The following PRKAG2 variants were observed in gnomAD, a reference collection of about 807,000 sequenced individuals.
PRKAG2 encodes protein kinase AMP-activated non-catalytic subunit gamma 2.
PRKAG2 carries 26 observed loss-of-function variants against 69.6 expected under a neutral mutation model. The observed-to-expected ratio is 0.37, with a 90% CI of 0.27 to 0.52. The LOEUF is 0.52. Ranked by LOEUF, PRKAG2 falls within the 20% of genes least tolerant of loss-of-function variation. The probability of loss-of-function intolerance (pLI) is 0.90; values close to 1 mark genes in which losing one functional copy is unlikely to be tolerated. For synonymous variants in PRKAG2, 293 were observed against 285.0 expected (o/e 1.03, Z -0.28); for missense variants, 557 against 740.0 (o/e 0.75, Z 2.87).
chr7:151,735,452 C>A lies in PRKAG2; in HGVS notation c.466+45700G>T, dbSNP rs145618331. 5.5e-3 allele frequency among the ~76,000 whole-genome samples: 836 copies of A among 152,238 alleles called. 14 individuals are homozygous for A. Among genetic ancestry groups the A allele is most frequent in the Non-Finnish European group, 7.6e-3 (517 of 68,028 alleles). Reference sequence around the variant, plus strand: ...ACAAATTAGGCAGGTGTTTCCCCTCCCACATTAGCCCACGATCTGTCAGAT... The same window carrying A: ...ACAAATTAGGCAGGTGTTTCCCCTCACACATTAGCCCACGATCTGTCAGAT... On this transcript the variant is annotated intron_variant, in intron 3 of 15. Coordinates refer to ENST00000287878, the MANE Select transcript of PRKAG2 (RefSeq NM_016203.4).
At chr7:151,636,411 T>C (rs911929718) in intron 4 of PRKAG2, among the ~76,000 whole-genome samples, 1 of 152,184 alleles carries the variant, frequency 6.6e-6, no homozygotes, top group African/African-American at 2.4e-5. Context: ...GATCATACAA[T>C]AGGTGGTCTT....
intron 5 of PRKAG2, among the ~76,000 whole-genome samples, chr7:151,621,410 C>A (rs1821445607): frequency 6.6e-6 from 1 of 152,068 alleles, no homozygotes; most frequent in Non-Finnish European, 1.5e-5. Flanking sequence ...GGGCTGGGTG[C>A]AATAGCTCAC....
At chr7:151,782,669 T>G (rs551532758) in intron 2 of PRKAG2, among the ~76,000 whole-genome samples, 166 of 152,196 alleles carry the variant, frequency 1.1e-3, no homozygotes, top group Non-Finnish European at 2.1e-3. Flanking sequence ...CTCTGCCACC[T>G]GCTGAGCCAA....
At chr7:151,775,431 C>A (rs2076292887) in intron 3 of PRKAG2, among the ~76,000 whole-genome samples, 1 of 152,208 alleles carries the variant, frequency 6.6e-6, no homozygotes, top group African/African-American at 2.4e-5. Flanking sequence ...CAGTCTGGTT[C>A]CTTCCCTTCC....
intron 1 of PRKAG2, among the ~76,000 whole-genome samples, chr7:151,864,676 G>C (rs1320918235): frequency 6.6e-6 from 1 of 152,238 alleles, no homozygotes; most frequent in Non-Finnish European, 1.5e-5. Flanking sequence ...GGCGCTGGCA[G>C]CTCCCCAGGG....
Position 151,777,635 on chromosome 7 carries a change from A to G in PRKAG2, c.466+3517T>C, listed in dbSNP as rs1441244974. 1.3e-5 allele frequency among the ~76,000 whole-genome samples: 2 copies of G among 152,226 alleles called. No individual in the cohort carries two copies. Among genetic ancestry groups the G allele is most frequent in the South Asian group, 2.1e-4 (1 of 4,830 alleles). ...TGCAAACACCTTGGCAGAGATCACG[A>G]CAGCAGGAGAAGGTCCAGCCTGGCC... is the stretch of plus-strand genomic sequence containing the variant. On this transcript the variant is annotated intron_variant, in intron 3 of 15. Transcript: ENST00000287878. The surrounding 1 kb of genome is among the most constrained non-coding windows in gnomAD (Gnocchi z 4.3).
chr7:151,560,267 G>C (rs1804615270), intron 15 of PRKAG2: 2 of 1,369,892 alleles, frequency 1.5e-6, no homozygotes, highest in Admixed American at 4.9e-5. Flanking sequence ...CATGGCAATG[G>C]CTCCCAAGTC....
intron 4 of PRKAG2, among the ~76,000 whole-genome samples, chr7:151,657,225 A>G (rs898279675): frequency 6.6e-6 from 1 of 152,152 alleles, no homozygotes; most frequent in African/African-American, 2.4e-5. Context: ...AAATTGTGTG[A>G]CCATAGTGTA....
intron 5 of PRKAG2, 25 bp from the exon 6 acceptor site, chr7:151,595,479 C>T (rs759357028): frequency 1.3e-6 from 2 of 1,482,770 alleles, no homozygotes; most frequent in East Asian, 2.3e-5. Context: ...GGCAAAACAT[C>T]AGTAATAATA....
intron 4 of PRKAG2, among the ~76,000 whole-genome samples, chr7:151,652,405 G>C (rs1210170825): frequency 6.6e-6 from 1 of 152,160 alleles, no homozygotes; most frequent in Non-Finnish European, 1.5e-5. Context: ...AATGTAAAAG[G>C]AGTTCTTTTT....
intron 1 of PRKAG2, among the ~76,000 whole-genome samples, chr7:151,801,844 T>A (rs1312035032): frequency 1.3e-5 from 2 of 152,086 alleles, no homozygotes; most frequent in Non-Finnish European, 2.9e-5. Flanking sequence ...GCGTCTTTGT[T>A]TTTTCAAACA....
intron 1 of PRKAG2, among the ~76,000 whole-genome samples, chr7:151,801,674 G>A (rs1347964261): frequency 2.0e-5 from 3 of 152,148 alleles, no homozygotes; most frequent in Admixed American, 1.3e-4. Flanking sequence ...TTGGTGTTTT[G>A]TTGCCAACAA....
At chr7:151,571,896 T>C (rs2151021014) in intron 9 of PRKAG2, among the ~76,000 whole-genome samples, 1 of 152,308 alleles carries the variant, frequency 6.6e-6, no homozygotes, top group Non-Finnish European at 1.5e-5. Flanking sequence ...CTCTTCAATT[T>C]TGAATTCAAA....
intron 3 of PRKAG2, among the ~76,000 whole-genome samples, chr7:151,752,190 G>C (rs769463866): frequency 1.4e-4 from 21 of 152,144 alleles, no homozygotes; most frequent in Non-Finnish European, 2.6e-4. Flanking sequence ...AGAAAATGTA[G>C]TACATATGTG....
chr7:151,558,334 T>C (rs1403724116), intron 15 of PRKAG2: 7 of 985,322 alleles, frequency 7.1e-6, no homozygotes, highest in Admixed American at 6.1e-5. Flanking sequence ...GACTATTCCA[T>C]GGACAACCAC....
At chr7:151,774,762 T>G (rs1311806912) in intron 3 of PRKAG2, among the ~76,000 whole-genome samples, 2 of 152,036 alleles carry the variant, frequency 1.3e-5, no homozygotes, top group African/African-American at 4.8e-5. Flanking sequence ...AGCCGAGATC[T>G]CGCCATTGCA....
At chr7:151,813,522 A>G (rs1190512773) in intron 1 of PRKAG2, among the ~76,000 whole-genome samples, 1 of 151,082 alleles carries the variant, frequency 6.6e-6, no homozygotes, top group Non-Finnish European at 1.5e-5. Context: ...TGGCTTACTC[A>G]AAGTGCCATG....
intron 7 of PRKAG2, 193 bp downstream of exon 7, chr7:151,576,178 C>G (rs915964051): frequency 1.6e-6 from 1 of 625,162 alleles, no homozygotes; most frequent in African/African-American, 1.8e-5. Flanking sequence ...TGGGCTCAAG[C>G]GATCTCCCTG....
chr7:151,834,262 G>A (rs557663594), intron 1 of PRKAG2, among the ~76,000 whole-genome samples: 17 of 152,296 alleles, frequency 1.1e-4, no homozygotes, highest in African/African-American at 4.1e-4. Context: ...CCACTTCTAA[G>A]GGAATGAGAA....
Sources: gnomAD v4.1 joint callset for allele counts (sites outside exome capture counted in the v4.1 genomes callset) on GRCh38, gnomAD v4.1.1 for gene constraint, Gnocchi (gnomAD v3.1) non-coding constraint, MANE v1.5 for transcripts, NCBI Gene and HGNC (gene_info 2026-07-23, HGNC 2026-07-21) for gene names.